The following HSP90AA1 variants were observed in gnomAD, a reference collection of about 807,000 sequenced individuals.
HSP90AA1 encodes the protein heat shock protein 90 alpha family class A member 1, also known as heat shock protein HSP 90-alpha.
A neutral mutation model predicts 73.3 loss-of-function variants in HSP90AA1; 18 were observed. The observed-to-expected ratio is 0.25, with a 90% confidence interval of 0.17 to 0.36. The LOEUF is 0.36. Ranked by LOEUF, HSP90AA1 falls within the 10% of genes least tolerant of loss-of-function variation. The probability of loss-of-function intolerance (pLI) is 1.00; values close to 1 mark genes in which losing one functional copy is unlikely to be tolerated. For synonymous variants in HSP90AA1, 477 were observed against 296.9 expected (o/e 1.61, Z -6.24); for missense variants, 704 against 874.2 (o/e 0.81, Z 2.45).
chr14:102,104,162 A>T (rs1256477676), intron 1 of HSP90AA1, among the ~76,000 whole-genome samples: 3 of 152,226 alleles, frequency 2.0e-5, no homozygotes, highest in East Asian at 1.9e-4. Flanking sequence ...GTTGGTTTTT[A>T]AAAAAATTAT....
chr14:102,112,178 C>T (rs377343340), intron 1 of HSP90AA1, among the ~76,000 whole-genome samples: 203 of 152,228 alleles, frequency 1.3e-3, no homozygotes, highest in African/African-American at 4.7e-3. Flanking sequence ...ATTATATGCT[C>T]TCTCTCTCTT....
chr14:102,129,036 T>C (rs1463856426), intron 1 of HSP90AA1, among the ~76,000 whole-genome samples: 1 of 152,088 alleles, frequency 6.6e-6, no homozygotes, highest in African/African-American at 2.4e-5. Flanking sequence ...ATTTACCAGG[T>C]ACAGTTCAAA....
At chr14:102,086,813 T>TGCGGAAACCGCAGCGGGCC (rs1160844388) in intron 1 of HSP90AA1, among the ~76,000 whole-genome samples, 173 bp downstream of exon 1, 13 of 151,428 alleles carry the variant, frequency 8.6e-5, no homozygotes, top group South Asian at 2.1e-4. Context: ...TGAAGCGGGG[T>TGCGGAAACCGCAGCGGGCC]GCGGAAACCG....
chr14:102,136,567 CAAAAA>C (rs1165638280), intron 1 of HSP90AA1, among the ~76,000 whole-genome samples: 14 of 53,244 alleles, frequency 2.6e-4, no homozygotes, highest in East Asian at 6.4e-4. Context: ...AGACTCGTCT[CAAAAA>C]AAAAAAAAAA....
chr14:102,121,412 C>G (rs567453841), intron 1 of HSP90AA1, among the ~76,000 whole-genome samples: 1 of 152,028 alleles, frequency 6.6e-6, no homozygotes, highest in African/African-American at 2.4e-5. Flanking sequence ...TACATTTATG[C>G]GGGTAAATTC....
At chr14:102,083,462 G>C (rs1365221487) in intron 8 of HSP90AA1, 84 bp downstream of exon 8, 1 of 1,447,148 alleles carries the variant, frequency 6.9e-7, no homozygotes. Flanking sequence ...AGTTGTAACA[G>C]TGCTACCTGA....
intron 10 of HSP90AA1, 44 bp downstream of exon 10, chr14:102,082,067 C>A: frequency 1.5e-6 from 2 of 1,295,496 alleles, no homozygotes; most frequent in Non-Finnish European, 2.2e-6. Flanking sequence ...TTCAATGTCA[C>A]GTGTGTTTAT....
chr14:102,085,132 T>C (rs2049194465), intron 4 of HSP90AA1, 134 bp from the exon 5 acceptor site: 1 of 1,506,506 alleles, frequency 6.6e-7, no homozygotes, highest in Non-Finnish European at 9.2e-7. Context: ...CATCAATATT[T>C]GATACATCCA....
chr14:102,132,762 C>G (rs977750138), intron 1 of HSP90AA1, among the ~76,000 whole-genome samples: 1 of 151,568 alleles, frequency 6.6e-6, no homozygotes, highest in East Asian at 1.9e-4. Flanking sequence ...AGTTCGAGAC[C>G]AACCTGGCCA....
At chr14:102,112,396 G>C (rs1199646289) in intron 1 of HSP90AA1, among the ~76,000 whole-genome samples, 1 of 152,156 alleles carries the variant, frequency 6.6e-6, no homozygotes, top group South Asian at 2.1e-4. Flanking sequence ...GGATGGTCTT[G>C]ATCTCTTGAC....
At chr14:102,114,732 G>A (rs1413642699) in intron 1 of HSP90AA1, among the ~76,000 whole-genome samples, 1 of 152,134 alleles carries the variant, frequency 6.6e-6, no homozygotes, top group Non-Finnish European at 1.5e-5. Flanking sequence ...GCCGGACCCG[G>A]TTGCTGACTG....
At chr14:102,122,347 C>T (rs757969329) in intron 1 of HSP90AA1, among the ~76,000 whole-genome samples, 4 of 142,552 alleles carry the variant, frequency 2.8e-5, no homozygotes, top group Non-Finnish European at 6.0e-5. Context: ...GTGGTGTGAT[C>T]TTGGCTCAGT....
chr14:102,110,222 C>T (rs1391918097), intron 1 of HSP90AA1, among the ~76,000 whole-genome samples: 15 of 152,012 alleles, frequency 9.9e-5, no homozygotes, highest in East Asian at 1.9e-4. Context: ...TGTGAGCCAC[C>T]GCACCCGGCT....
At chr14:102,112,642 C>T (rs1187265999) in intron 1 of HSP90AA1, among the ~76,000 whole-genome samples, 1 of 152,084 alleles carries the variant, frequency 6.6e-6, no homozygotes, top group East Asian at 1.9e-4. Flanking sequence ...CCATGTGCAG[C>T]TAAGTTTTAA....
At chr14:102,082,531 C>A in intron 9 of HSP90AA1, 87 bp from the exon 10 acceptor site, 1 of 972,946 alleles carries the variant, frequency 1.0e-6, no homozygotes, top group Non-Finnish European at 1.6e-6. Context: ...ACCCAAATTT[C>A]AATAGATCCA....
intron 2 of HSP90AA1, among the ~76,000 whole-genome samples, chr14:102,093,020 CG>C (rs2049378186): frequency 1.3e-5 from 2 of 152,054 alleles, no homozygotes; most frequent in East Asian, 1.9e-4. Context: ...GCTGGGGTTA[CG>C]GGCGTGAACC....
intron 1 of HSP90AA1, 107 bp from the exon 2 acceptor site, chr14:102,086,485 G>A (rs2049238591): frequency 3.0e-6 from 4 of 1,315,642 alleles, no homozygotes; most frequent in Admixed American, 1.7e-5. Flanking sequence ...GGAGATTTGC[G>A]AAGTTTAAGT....
At position 102,093,218 on chromosome 14, in the gene HSP90AA1, A is replaced by T. The variant is rs529519543; in HGVS notation, c.367-6840T>A. ...TTAAAAAATATATATATATATATTTAAAAAAAAAAAGGCCGGGTGCAGTGG... is the reference window on the plus strand; with the variant it reads ...TTAAAAAATATATATATATATATTTTAAAAAAAAAAGGCCGGGTGCAGTGG... On this transcript the variant is annotated intron_variant, in intron 2 of 11. Coordinates refer to the HSP90AA1 transcript ENST00000334701. 6.7e-4 allele frequency among the ~76,000 whole-genome samples: 96 copies of T among 143,792 alleles called. 1 individual carries two copies. Among genetic ancestry groups the T allele is most frequent in the Admixed American group, 2.9e-3 (41 of 14,288 alleles). 94.3% of individuals were successfully genotyped at this position (143,792 alleles called of 152,430 possible).
chr14:102,087,951 CTTTTTT>C (rs71116878), upstream of HSP90AA1, among the ~76,000 whole-genome samples: 6 of 92,992 alleles, frequency 6.5e-5, no homozygotes, highest in African/African-American at 2.7e-4. Context: ...TTTTTTTTTT[CTTTTTT>C]TTTTTTTTGG....
Sources: gnomAD v4.1 joint callset for allele counts (sites outside exome capture counted in the v4.1 genomes callset) on GRCh38, gnomAD v4.1.1 for gene constraint, MANE v1.5 for transcripts, NCBI Gene and HGNC (gene_info 2026-07-23, HGNC 2026-07-21) for gene names.